The following NLRP8 variants were observed in gnomAD, a reference collection of about 807,000 sequenced individuals.
NLRP8 encodes the protein NLR family pyrin domain containing 8.
In NLRP8, 86 loss-of-function variants were observed where a neutral mutation model predicts 88.7. The ratio of observed to expected loss-of-function variants is 0.97; its 90% confidence interval spans 0.81 to 1.16. The LOEUF is 1.16. NLRP8 is among the 50% of genes most tolerant of loss of function. NLRP8 has a pLI of 0.00. For missense variants in NLRP8, 1,342 were observed against 1,286.5 expected, an observed-to-expected ratio of 1.04 and a Z score of -0.66; for synonymous variants, 504 against 494.6, an observed-to-expected ratio of 1.02 and a Z score of -0.25.
rs1172749072 is a variant in NLRP8, at chr19:55,955,481, G to C, written c.1423G>C (p.Glu475Gln). 8 of 1,614,126 alleles carry C rather than the reference G, an allele frequency of 5.0e-6. No individual in the cohort carries two copies. The highest frequency in any genetic ancestry group is 1.3e-5 in the African/African-American group (1 of 74,944). Residue 475 changes from glutamate to glutamine, a missense_variant, in exon 3 of 10, where the codon GAG (glutamate) becomes CAG (glutamine). By Grantham distance (29) the Glu-to-Gln change is conservative (BLOSUM62 2). Transcript: ENST00000291971. ...ATGGGTGTTAGGTAAAGAAGATCTT[G>C]AGGAAGCCAAGCTGGATCAGACGGG...
Position 55,955,700 on chromosome 19 carries a change from A to G in NLRP8, c.1642A>G (p.Ser548Gly). 4 of 1,614,058 alleles carry G rather than the reference A, an allele frequency of 2.5e-6. No homozygotes were observed. The highest frequency in any genetic ancestry group is 3.4e-6 in the Non-Finnish European group (4 of 1,179,908). ...GCGCCTGATAGCGAGTCCCAGAGGA[A>G]GCAAAAGCTATCTCTCTCACATGGG... The change falls in exon 3 of 10, where the codon AGC (serine) becomes GGC (glycine). Residue 548 changes from serine (S) to glycine (G), a missense_variant. By Grantham distance (56) the Ser-to-Gly change is moderately conservative (BLOSUM62 0). Transcript: ENST00000291971.
intron 4 of NLRP8, among the ~76,000 whole-genome samples, chr19:55,965,242 G>A (rs1486530426): frequency 6.6e-6 from 1 of 152,166 alleles, no homozygotes; most frequent in Non-Finnish European, 1.5e-5. Context: ...CTTGAGGTCA[G>A]GAGTTCAAGA....
rs1283695399 is a variant in NLRP8 at position 55,956,159 on chromosome 19, G to A, written c.2042+59G>A. 5 of 1,521,162 alleles carry A rather than the reference G, an allele frequency of 3.3e-6. No homozygotes were observed. In the South Asian group the frequency reaches 6.5e-5, roughly 20 times the overall value. 94.2% of individuals were successfully genotyped at this position (1,521,162 alleles called of 1,614,324 possible). Reference sequence around the variant, plus strand: ...CCTACCCGGAGGCCTTGACTATGGTGTCCCGGGTGTTTAGGGGGTCAATCT... The same window carrying A: ...CCTACCCGGAGGCCTTGACTATGGTATCCCGGGTGTTTAGGGGGTCAATCT... On this transcript the variant is annotated intron_variant, in intron 3 of 9. Coordinates refer to ENST00000291971, the MANE Select transcript of NLRP8 (RefSeq NM_176811.2).
rs530323728 is a variant in NLRP8, at chr19:55,970,657, G to A, written c.2495G>A (p.Gly832Glu). Residue 832 changes from glycine to glutamate, a missense_variant, in exon 6 of 10, where the codon GGG becomes GAG. By Grantham distance (98) the Gly-to-Glu change is moderately conservative. Coordinates refer to ENST00000291971, the MANE Select transcript of NLRP8 (RefSeq NM_176811.2). Reference sequence around the variant, plus strand: ...AGAAAAAACTCCCTGGAGAACTGTGGGGCGTATTACCTGTCTGTGGCCCAG... The same window carrying A: ...AGAAAAAACTCCCTGGAGAACTGTGAGGCGTATTACCTGTCTGTGGCCCAG... 6.2e-7 allele frequency: 1 copy of A among 1,614,042 alleles called. No individual in the cohort carries two copies. The highest frequency in any genetic ancestry group is 1.1e-5 in the South Asian group (1 of 91,070).
In NLRP8 at chr19:55,954,996, C is replaced by A. The variant is rs750845471; in HGVS notation, c.938C>A (p.Ser313Tyr). The A allele has an allele frequency of 5.0e-6, 8 of 1,614,060 alleles. No homozygotes were observed. Among genetic ancestry groups the A allele is most frequent in the Non-Finnish European group, 6.8e-6 (8 of 1,180,058 alleles). The change falls in exon 3 of 10, where the codon TCT (serine) becomes TAT (tyrosine). Residue 313 changes from serine (S) to tyrosine (Y), a missense_variant. Physicochemically the swap from Ser to Tyr is moderately radical, Grantham distance 144. Transcript: ENST00000291971. ...GACTGGAGGCAGAAATTGCCTGGGT[C>A]TGTCCTACTGAGCAGTTTGCTGAGC...
intron 6 of NLRP8, among the ~76,000 whole-genome samples, chr19:55,971,214 C>T (rs1020447110): frequency 3.9e-5 from 6 of 152,094 alleles, no homozygotes; most frequent in East Asian, 1.9e-4. Context: ...CCGAGGCGGG[C>T]GGATCACCTG....
intron 4 of NLRP8, among the ~76,000 whole-genome samples, chr19:55,965,771 C>T (rs1019452413): frequency 5.9e-5 from 9 of 152,068 alleles, no homozygotes; most frequent in Admixed American, 6.6e-5. Flanking sequence ...TCATCATCTA[C>T]GTTAGGTATT....
At chr19:55,957,496 G>T (rs1335177934) in intron 3 of NLRP8, among the ~76,000 whole-genome samples, 4 of 151,530 alleles carry the variant, frequency 2.6e-5, no homozygotes. Context: ...GACCATGCTG[G>T]CCAACATGGT....
chr19:55,962,122 G>T lies in NLRP8; in HGVS notation c.2098G>T (p.Ala700Ser). ...GTGGCAAGACTTATGCTCTGTGTTT[G>T]CAACGAATGATAAGCTGGAAGTCCT... The change falls in exon 4 of 10, where the codon GCA (alanine) becomes TCA (serine). Residue 700 changes from alanine to serine, a missense_variant. Coordinates refer to ENST00000291971, the MANE Select transcript of NLRP8 (RefSeq NM_176811.2). 1 of 1,614,218 alleles carries T rather than the reference G, an allele frequency of 6.2e-7. No individual in the cohort carries two copies. Among genetic ancestry groups the T allele is most frequent in the East Asian group, 2.2e-5 (1 of 44,888 alleles).
chr19:55,950,237 CCA>C (rs1979030105), intron 1 of NLRP8, among the ~76,000 whole-genome samples: 1 of 150,082 alleles, frequency 6.7e-6, no homozygotes. Context: ...ATGGTGAAAC[CCA>C]GTCTCTACTA....
At chr19:55,974,273 A>G (rs1361372114) in intron 7 of NLRP8, among the ~76,000 whole-genome samples, 2 of 152,090 alleles carry the variant, frequency 1.3e-5, no homozygotes, top group African/African-American at 4.8e-5. Flanking sequence ...TTATAGACTA[A>G]GAGTTTTTAA....
Position 55,988,029 on chromosome 19 carries a change from A to G in NLRP8, c.*116A>G. 1 of 738,326 alleles carries G rather than the reference A, an allele frequency of 1.4e-6. No individual in the cohort carries two copies. Among genetic ancestry groups the G allele is most frequent in the South Asian group, 1.6e-5 (1 of 63,392 alleles). The allele number at this position is 738,326 out of a possible 1,614,324, so 45.7% of individuals were successfully genotyped here. On this transcript the variant is annotated 3_prime_UTR_variant, in exon 10 of 10. Transcript: ENST00000291971. ...ACGTACTTTCCCCTGAAACAGAGCA[A>G]CCCAGTCAACACCACAGAACCTCAG...
In NLRP8 at chr19:55,955,620, T is replaced by C; in HGVS notation, c.1562T>C (p.Leu521Pro). Residue 521 changes from leucine (L) to proline (P), a missense_variant, in exon 3 of 10, where the codon CTC (leucine) becomes CCC (proline). Leu to Pro is a moderately conservative substitution (Grantham distance 98, BLOSUM62 -3). Transcript: ENST00000291971. ...TTTTTTGCGGCCTTGTTTTATGTTCTCTGTTTCCCACAAAGACTCAAAAAT... is the reference window on the plus strand; with the variant it reads ...TTTTTTGCGGCCTTGTTTTATGTTCCCTGTTTCCCACAAAGACTCAAAAAT... The C allele has an allele frequency of 1.2e-6, 2 of 1,614,212 alleles. No homozygotes were observed. The highest frequency in any genetic ancestry group is 1.7e-6 in the Non-Finnish European group (2 of 1,180,028).
At chr19:55,987,228 G>A (rs1980888713) in intron 9 of NLRP8, among the ~76,000 whole-genome samples, 1 of 152,178 alleles carries the variant, frequency 6.6e-6, no homozygotes, top group African/African-American at 2.4e-5. Context: ...AAATGAGCTG[G>A]GCGTGGTGGC....
chr19:55,976,297 T>A lies in NLRP8; in HGVS notation c.2870T>A (p.Ile957Asn). Reference sequence around the variant, plus strand: ...AAGAACCCTGACTGTACATTACAGATCCTGGAGTAAGTGGCCCCTCGTCTC... The same window carrying A: ...AAGAACCCTGACTGTACATTACAGAACCTGGAGTAAGTGGCCCCTCGTCTC... The change falls in exon 8 of 10, where the codon ATC (isoleucine) becomes AAC (asparagine). Residue 957 changes from isoleucine to asparagine, a missense_variant. Physicochemically the swap from Ile to Asn is moderately radical, Grantham distance 149. Transcript: ENST00000291971. The A allele has an allele frequency of 6.3e-7, 1 of 1,598,006 alleles. No individual in the cohort carries two copies. The highest frequency in any genetic ancestry group is 8.5e-7 in the Non-Finnish European group (1 of 1,175,480).
intron 7 of NLRP8, among the ~76,000 whole-genome samples, chr19:55,974,071 C>G (rs1007895466): frequency 6.6e-6 from 1 of 151,794 alleles, no homozygotes; most frequent in African/African-American, 2.4e-5. Context: ...AGAAGGACTG[C>G]AGGGTATTTT....
intron 6 of NLRP8, among the ~76,000 whole-genome samples, chr19:55,972,725 A>G (rs1420089272): frequency 6.6e-6 from 1 of 151,546 alleles, no homozygotes; most frequent in African/African-American, 2.4e-5. Flanking sequence ...AATAGTCTCC[A>G]ATTCTACCTG....
chr19:55,979,574 C>T lies in NLRP8; in HGVS notation c.3047+10C>T, dbSNP rs1256174569. ...GAGAAGAGGTCATTTTGTAAGTCTC[C>T]ACCGGGTTTCCTGTGCAAAACCTAC... On this transcript the variant is annotated intron_variant, in intron 9 of 9. Transcript: ENST00000291971. 5 of 1,613,926 alleles carry T rather than the reference C, an allele frequency of 3.1e-6. No individual in the cohort carries two copies. In the East Asian group the frequency reaches 1.1e-4, roughly 36 times the overall value.
intron 1 of NLRP8, among the ~76,000 whole-genome samples, chr19:55,949,743 A>G (rs1236023760): frequency 6.6e-6 from 1 of 152,144 alleles, no homozygotes; most frequent in East Asian, 1.9e-4. Context: ...TCTCATTGGT[A>G]AGAATGGAGA....
Sources: allele counts gnomAD v4.1 joint callset (sites outside exome capture counted in the v4.1 genomes callset), GRCh38; gene constraint gnomAD v4.1.1; transcripts MANE v1.5; gene names NCBI Gene and HGNC (gene_info 2026-07-23, HGNC 2026-07-21).